The following CBFA2T3 variants were observed in gnomAD, a reference collection of about 807,000 sequenced individuals.
CBFA2T3 encodes the protein CBFA2/RUNX1 partner transcriptional co-repressor 3.
A neutral mutation model predicts 58.6 loss-of-function variants in CBFA2T3; 31 were observed. The ratio of observed to expected loss-of-function variants is 0.53; its 90% CI spans 0.40 to 0.71. The LOEUF (loss-of-function observed/expected upper bound fraction) is 0.71, where lower values mean the gene tolerates loss of function less well. Among genes scored for constraint, CBFA2T3 ranks in the 30% least tolerant of loss-of-function variants. CBFA2T3 has a pLI of 0.00. For synonymous variants in CBFA2T3, 531 were observed against 421.9 expected, an observed-to-expected ratio of 1.26 and a Z score of -3.17; for missense variants, 1,076 against 963.1, an observed-to-expected ratio of 1.12 and a Z score of -1.55.
At chr16:88,917,835 T>TGTGGGTGTGGACGACAGA (rs1345025889) in intron 1 of CBFA2T3, among the ~76,000 whole-genome samples, 1 of 150,914 alleles carries the variant, frequency 6.6e-6, no homozygotes, top group African/African-American at 2.5e-5. Flanking sequence ...AAGACGAGAG[T>TGTGGGTGTGGACGACAGA]GTGGGTGTGG....
At position 88,877,029 on chromosome 16, in the gene CBFA2T3, A is replaced by G; in HGVS notation, c.1909T>C (p.Ser637Pro). The G allele has an allele frequency of 6.7e-7, 1 of 1,492,668 alleles. No individual in the cohort carries two copies. 92.5% of individuals were successfully genotyped at this position (1,492,668 alleles called of 1,614,324 possible). A position where few individuals can be genotyped will look rare whatever the true frequency, so the allele number is the denominator to read the frequency against. Residue 637 changes from serine to proline, a missense_variant, in exon 12 of 12, where the codon TCT becomes CCT. Coordinates refer to ENST00000268679, the MANE Select transcript of CBFA2T3 (RefSeq NM_005187.6). Reference sequence around the variant, plus strand: ...GGTGGGCTGGGGGAGCCGGGGCGAGAAGGCCCCGCAGAGCCGGCTTCGCTG... The same window carrying G: ...GGTGGGCTGGGGGAGCCGGGGCGAGGAGGCCCCGCAGAGCCGGCTTCGCTG... ...SPSEAGSAGPSRPGSPSPPGP... is the reference protein window; with the variant it reads ...SPSEAGSAGPPRPGSPSPPGP...
intron 1 of CBFA2T3, among the ~76,000 whole-genome samples, chr16:88,924,086 G>C (rs1344358823): frequency 6.6e-6 from 1 of 152,132 alleles, no homozygotes; most frequent in Non-Finnish European, 1.5e-5. Context: ...CAGGGCTAAA[G>C]CAAGGAGCCA....
rs140338778 is a variant in CBFA2T3 at position 88,883,227 on chromosome 16, C to T, written c.1118-466G>A. 466 of 197,470 alleles carry T rather than the reference C, an allele frequency of 2.4e-3. 2 individuals carry two copies. The highest frequency in any genetic ancestry group is 5.4e-3 in the Admixed American group (95 of 17,480). 12.2% of individuals were successfully genotyped at this position (197,470 alleles called of 1,614,324 possible). On this transcript the variant is annotated intron_variant, in intron 7 of 11. Coordinates refer to ENST00000268679, the MANE Select transcript of CBFA2T3 (RefSeq NM_005187.6). ...CACCATGACCTGGACCTGCCTTAGT[C>T]CGTGAATCAATGGGTAACCTCACTG...
rs117379984 is a variant in CBFA2T3 at position 88,916,314 on chromosome 16, G to A, written c.152-14658C>T. ...CATATACATGTGGGTGTATGCGTGT[G>A]TATTCATGCGTGTATTCATGTGTGT... On this transcript the variant is annotated intron_variant, in intron 1 of 11. Coordinates refer to ENST00000268679, the MANE Select transcript of CBFA2T3 (RefSeq NM_005187.6). 1.1e-3 allele frequency among the ~76,000 whole-genome samples: 170 copies of A among 149,562 alleles called. 3 individuals are homozygous for A. In the East Asian group the frequency reaches 0.026, roughly 23 times the overall value.
chr16:88,903,693 G>GC (rs559136622), intron 1 of CBFA2T3, among the ~76,000 whole-genome samples: 6,072 of 134,044 alleles, frequency 0.045, 325 homozygotes, highest in African/African-American at 0.094. Context: ...GGCATTCCTG[G>GC]GGGGGGCGTT....
chr16:88,927,199 G>A (rs1025969878), intron 1 of CBFA2T3, among the ~76,000 whole-genome samples: 2 of 152,228 alleles, frequency 1.3e-5, no homozygotes, highest in African/African-American at 4.8e-5. Context: ...ACCGCCTAAC[G>A]AGTTGGGTCA....
Position 88,885,370 on chromosome 16 carries a change from A to T in CBFA2T3, c.894-101T>A, listed in dbSNP as rs1414323648. The stretch of plus-strand genomic sequence containing the variant: ...GGCAGACAGGCAAGGGCAGAGAGAA[A>T]GAGGACACGTAAGGGCGAGACAGAA... On this transcript the variant is annotated intron_variant, in intron 6 of 11. Transcript: ENST00000268679. This position sits in a 1 kb window ranked among gnomAD's most constrained non-coding sequence, Gnocchi z 5.3. 2 of 767,368 alleles carry T rather than the reference A, an allele frequency of 2.6e-6. No individual in the cohort carries two copies. The highest frequency in any genetic ancestry group is 3.9e-6 in the Non-Finnish European group (2 of 509,146). 47.5% of individuals were successfully genotyped at this position (767,368 alleles called of 1,614,324 possible).
intron 1 of CBFA2T3, among the ~76,000 whole-genome samples, chr16:88,904,298 A>G (rs1970218390): frequency 6.6e-6 from 1 of 152,028 alleles, no homozygotes; most frequent in Non-Finnish European, 1.5e-5. Flanking sequence ...CTCTGCAGAT[A>G]TCGACGACTC....
chr16:88,919,347 G>A (rs1022885336), intron 1 of CBFA2T3, among the ~76,000 whole-genome samples: 7 of 152,206 alleles, frequency 4.6e-5, no homozygotes, highest in East Asian at 1.9e-4. Flanking sequence ...GTGTACTCTC[G>A]TGGCAAAACT....
In CBFA2T3 at chr16:88,892,255, G is replaced by A. The variant is rs1355701868; in HGVS notation, c.610C>T (p.Leu204=). The change falls in exon 4 of 12, where the codon CTG becomes TTG. Residue 204 remains leucine, a synonymous_variant. Transcript: ENST00000268679. ...CCTGCCCAACTCACCACCAGGCCCA[G>A]CACCAGTGTGCGCACGCGCTCCCCA... ...EIGERVRTLV[L]GLVNSTLTIE... 3 of 1,609,262 alleles carry A rather than the reference G, an allele frequency of 1.9e-6. No homozygotes were observed. Among genetic ancestry groups the A allele is most frequent in the Admixed American group, 3.3e-5 (2 of 59,976 alleles).
chr16:88,907,081 A>G (rs918272606), intron 1 of CBFA2T3, among the ~76,000 whole-genome samples: 2 of 152,166 alleles, frequency 1.3e-5, no homozygotes, highest in Non-Finnish European at 2.9e-5. Context: ...CAGAGCTCGA[A>G]GTGCCCATGA....
intron 1 of CBFA2T3, among the ~76,000 whole-genome samples, chr16:88,948,708 A>G (rs2142832483): frequency 6.6e-6 from 1 of 152,314 alleles, no homozygotes; most frequent in South Asian, 2.1e-4. Flanking sequence ...TTCACTCTCC[A>G]TATCCAATAG....
rs527546699 is a variant in CBFA2T3, at chr16:88,974,053, C to G, written c.151+2604G>C. 1.3e-4 allele frequency among the ~76,000 whole-genome samples: 20 copies of G among 152,304 alleles called. 2 individuals are homozygous for G. In the South Asian group the frequency reaches 4.1e-3, roughly 32 times the overall value. The stretch of plus-strand genomic sequence containing the variant: ...GACTCAGTTTCTCCCCCATGGAGGT[C>G]CCAGCACATGGCACTGAAACTTCTC... On this transcript the variant is annotated intron_variant, in intron 1 of 11. Transcript: ENST00000268679.
intron 1 of CBFA2T3, among the ~76,000 whole-genome samples, chr16:88,961,105 T>C (rs1002088944): frequency 6.6e-6 from 1 of 152,234 alleles, no homozygotes; most frequent in African/African-American, 2.4e-5. Context: ...CTCTGCCTTC[T>C]GTCTTCCACG....
chr16:88,965,153 A>G (rs934612120), intron 1 of CBFA2T3, among the ~76,000 whole-genome samples: 2 of 132,100 alleles, frequency 1.5e-5, no homozygotes, highest in Non-Finnish European at 3.1e-5. Flanking sequence ...CCATCCATCT[A>G]TATCACAATT....
In CBFA2T3 at chr16:88,881,440, G is replaced by A. The variant is rs766050818; in HGVS notation, c.1253C>T (p.Thr418Met). 37 of 1,609,568 alleles carry A rather than the reference G, an allele frequency of 2.3e-5. No homozygotes were observed. Among genetic ancestry groups the A allele is most frequent in the African/African-American group, 4.0e-5 (3 of 74,878 alleles). The change falls in exon 9 of 12, where the codon ACG becomes ATG. Residue 418 changes from threonine (T) to methionine (M), a missense_variant. Thr to Met is a moderately conservative substitution (Grantham distance 81). Transcript: ENST00000268679. ...GGCCTCCTGGCACCTGCGCAGCACCGTGAGCGAGCGCCGCGTCTTCTCCAC... is the reference window on the plus strand; with the variant it reads ...GGCCTCCTGGCACCTGCGCAGCACCATGAGCGAGCGCCGCGTCTTCTCCAC... The part of the protein sequence containing the change: ...DMVEKTRRSL[T>M]VLRRCQEADR...
rs575745934 is a variant in CBFA2T3 at position 88,935,216 on chromosome 16, C to G, written c.152-33560G>C. Among the ~76,000 whole-genome samples, 22 of 152,326 alleles carry G rather than the reference C, an allele frequency of 1.4e-4. No homozygotes were observed. In the East Asian group the frequency reaches 4.1e-3, roughly 28 times the overall value. On this transcript the variant is annotated intron_variant, in intron 1 of 11. Transcript: ENST00000268679. ...CAGGGGCAGTCCTGGGTTCTGATGT[C>G]TCTGGCGCAGGAGAGGCTGCATGGA... is the stretch of plus-strand genomic sequence containing the variant.
chr16:88,952,694 C>T (rs943578654), intron 1 of CBFA2T3, among the ~76,000 whole-genome samples: 4 of 152,202 alleles, frequency 2.6e-5, no homozygotes, highest in Non-Finnish European at 5.9e-5. Flanking sequence ...GCTGAGTGGC[C>T]ATTCCTGCTG....
chr16:88,879,607 G>C (rs1031060917), intron 10 of CBFA2T3, 147 bp from the exon 11 acceptor site: 3 of 683,304 alleles, frequency 4.4e-6, no homozygotes, highest in Middle Eastern at 2.5e-4. Context: ...ACATGTTGAT[G>C]GGGCTGTAGG....
Sources: gnomAD v4.1 joint callset for allele counts (sites outside exome capture counted in the v4.1 genomes callset) on GRCh38, gnomAD v4.1.1 for gene constraint, Gnocchi (gnomAD v3.1) non-coding constraint, MANE v1.5 for transcripts, NCBI Gene and HGNC (gene_info 2026-07-23, HGNC 2026-07-21) for gene names.